TEX2: variants seen among roughly 807,000 people sequenced by gnomAD.
TEX2 encodes the protein testis-expressed protein 2.
Under a neutral mutation model 106.9 loss-of-function variants are expected in TEX2, and 53 were observed. The observed-to-expected ratio is 0.50, with a 90% CI of 0.40 to 0.62. The LOEUF (loss-of-function observed/expected upper bound fraction) is 0.62. Among genes scored for constraint, TEX2 ranks in the 20% least tolerant of loss-of-function variants. The pLI is 0.00. For missense variants in TEX2, 1,207 were observed against 1,379.0 expected, an observed-to-expected ratio of 0.88 and a Z score of 1.98; for synonymous variants, 523 against 534.8, an observed-to-expected ratio of 0.98 and a Z score of 0.30.
intron 1 of TEX2, among the ~76,000 whole-genome samples, chr17:64,238,031 G>A (rs1413724813): frequency 6.6e-6 from 1 of 152,224 alleles, no homozygotes; most frequent in Non-Finnish European, 1.5e-5. Flanking sequence ...GCCAGGCGCG[G>A]TGGTTCATGC....
At position 64,166,839 on chromosome 17, in the gene TEX2, G is replaced by T. The variant is rs186121583; in HGVS notation, c.2671+4261C>A. On this transcript the variant is annotated intron_variant, in intron 7 of 11. Transcript: ENST00000584379. ...TGGAAAGAGTTTGGCTGAGTGGCAGGCCCTGGAGGTGGCAGCCCAGGGTAG... is the reference window on the plus strand; with the variant it reads ...TGGAAAGAGTTTGGCTGAGTGGCAGTCCCTGGAGGTGGCAGCCCAGGGTAG... Among the ~76,000 whole-genome samples the T allele has an allele frequency of 3.2e-4, 49 of 152,334 alleles. 1 individual carries two copies. The highest frequency in any genetic ancestry group is 2.9e-5 in the Non-Finnish European group (2 of 68,026).
At chr17:64,190,592 C>T (rs2032260648) in intron 4 of TEX2, among the ~76,000 whole-genome samples, 1 of 152,180 alleles carries the variant, frequency 6.6e-6, no homozygotes, top group Non-Finnish European at 1.5e-5. Flanking sequence ...GGAGTCGTCA[C>T]TGCACTGTGG....
chr17:64,198,939 G>GA (rs1356308488), intron 2 of TEX2, among the ~76,000 whole-genome samples: 1 of 151,520 alleles, frequency 6.6e-6, no homozygotes, highest in Admixed American at 6.6e-5. Flanking sequence ...GGCTAAAGGA[G>GA]AAAAAAAAGA....
At chr17:64,200,178 C>T (rs1329193555) in intron 2 of TEX2, among the ~76,000 whole-genome samples, 2 of 151,888 alleles carry the variant, frequency 1.3e-5, no homozygotes, top group African/African-American at 4.9e-5. Flanking sequence ...AATAGACAAA[C>T]ATATCATTTT....
At chr17:64,212,527 G>A (rs368409049) in intron 2 of TEX2, 47 bp downstream of exon 2, 1 of 1,486,354 alleles carries the variant, frequency 6.7e-7, no homozygotes, top group Non-Finnish European at 9.2e-7. Flanking sequence ...AAATACGGCT[G>A]TATGTGAGAA....
intron 1 of TEX2, among the ~76,000 whole-genome samples, chr17:64,219,510 A>T (rs1401177633): frequency 1.2e-4 from 12 of 99,268 alleles, no homozygotes; most frequent in African/African-American, 3.7e-4. Flanking sequence ...CATCTCATCA[A>T]ATAAAATAAA....
chr17:64,254,130 G>A (rs2034142065), intron 1 of TEX2, among the ~76,000 whole-genome samples: 2 of 152,170 alleles, frequency 1.3e-5, no homozygotes, highest in South Asian at 4.1e-4. Flanking sequence ...GCAACAAGCA[G>A]CTTGAGTTCT....
At position 64,171,192 on chromosome 17, in the gene TEX2, T is replaced by C. The variant is rs1383437841; in HGVS notation, c.2579A>G (p.Tyr860Cys). ...CGTCAGAGTGAGCTCATTCATAAAG[T>C]AGGGGAGCTAGAGGAAACAAGCAAA... ...QMKLSKIKLP[Y>C]FMNELTLTEL... Residue 860 changes from tyrosine (Y) to cysteine (C), a missense_variant, in exon 7 of 12, where the codon TAC becomes TGC. Tyr to Cys is a radical substitution (Grantham distance 194). This residue lies in a region of TEX2 where 1,067 missense variants were observed against 1,193.6 expected (regional missense o/e 0.89). Transcript: ENST00000584379. 6.2e-7 allele frequency: 1 copy of C among 1,613,734 alleles called. No homozygotes were observed. The highest frequency in any genetic ancestry group is 1.7e-5 in the Admixed American group (1 of 60,012).
At chr17:64,262,651 G>A (rs2034312640) in intron 1 of TEX2, among the ~76,000 whole-genome samples, 2 of 152,196 alleles carry the variant, frequency 1.3e-5, no homozygotes. Flanking sequence ...CCGCCTCCCT[G>A]CTAAAGCACA....
In TEX2 at chr17:64,198,584, C is replaced by T. The variant is rs191324483; in HGVS notation, c.1645-3489G>A. ...TTCTTGAATCATTTCACTCTGAGCA[C>T]ACATCTGCTGGCTAGAGTAGAGGCT... On this transcript the variant is annotated intron_variant, in intron 2 of 11. Transcript: ENST00000584379. 9.1e-5 allele frequency among the ~76,000 whole-genome samples: 12 copies of T among 131,544 alleles called. No homozygotes were observed. In the East Asian group the frequency reaches 2.3e-3, roughly 25 times the overall value. 86.3% of individuals were successfully genotyped at this position (131,544 alleles called of 152,430 possible). A position where few individuals can be genotyped will look rare whatever the true frequency, so the allele number is the denominator to read the frequency against.
intron 1 of TEX2, among the ~76,000 whole-genome samples, chr17:64,214,916 C>A (rs1555632439): frequency 6.6e-6 from 1 of 152,194 alleles, no homozygotes; most frequent in Admixed American, 6.5e-5. Context: ...GACATGGCCA[C>A]GTTCTGAGGC....
intron 1 of TEX2, among the ~76,000 whole-genome samples, chr17:64,253,058 A>T (rs1555637224): frequency 6.6e-6 from 1 of 152,172 alleles, no homozygotes; most frequent in Non-Finnish European, 1.5e-5. Flanking sequence ...CAGCACCTAA[A>T]CATGTTCGGA....
rs2033210373 is a variant in TEX2 at position 64,217,162 on chromosome 17, T to C, written c.-25-2920A>G. Among the ~76,000 whole-genome samples the C allele has an allele frequency of 6.6e-6, 1 of 152,216 alleles. No individual in the cohort carries two copies. The highest frequency in any genetic ancestry group is 6.5e-5 in the Admixed American group (1 of 15,276). On this transcript the variant is annotated intron_variant, in intron 1 of 11. Transcript: ENST00000584379. This position sits in a 1 kb window ranked among gnomAD's most constrained non-coding sequence, Gnocchi z 4.3. ...TTCCAGGCCCCAAACTGCTGGGTAA[T>C]TGAGTGTGCTAGAACCAGAGACCAT... is the stretch of plus-strand genomic sequence containing the variant.
intron 7 of TEX2, among the ~76,000 whole-genome samples, chr17:64,164,759 C>A (rs1814225513): frequency 6.6e-6 from 1 of 152,194 alleles, no homozygotes; most frequent in Non-Finnish European, 1.5e-5. Context: ...GACCATGATG[C>A]CAGTTGGTAT....
At chr17:64,251,174 A>T (rs1205543664) in intron 1 of TEX2, among the ~76,000 whole-genome samples, 2 of 152,196 alleles carry the variant, frequency 1.3e-5, no homozygotes. Context: ...TTTCCAGCAC[A>T]TGGGGAATGA....
At chr17:64,204,234 T>C (rs958722144) in intron 2 of TEX2, among the ~76,000 whole-genome samples, 1 of 152,258 alleles carries the variant, frequency 6.6e-6, no homozygotes, top group African/African-American at 2.4e-5. Context: ...CATGTCCCAA[T>C]ATATACAGCT....
rs2030085566 is a variant in TEX2 at position 64,147,340 on chromosome 17, G to A, written c.*1629C>T. The A allele has an allele frequency of 6.6e-6, 1 of 152,154 alleles. No homozygotes were observed. Among genetic ancestry groups the A allele is most frequent in the Non-Finnish European group, 1.5e-5 (1 of 68,032 alleles). 9.4% of individuals were successfully genotyped at this position (152,154 alleles called of 1,614,324 possible). ...GCAGTGATCAACGCAGTAAATGAAA[G>A]CTGCGATTGCCAGGTGAGGGCCCCG... On this transcript the variant is annotated 3_prime_UTR_variant, in exon 12 of 12. Transcript: ENST00000584379.
chr17:64,194,898 G>A lies in TEX2; in HGVS notation c.1842C>T (p.Ser614=). The change falls in exon 3 of 12, where the codon AGC becomes AGT. Residue 614 remains serine, a synonymous_variant. Transcript: ENST00000584379. ...TTCCAAAATTGCTCAGGCTCACCTTGCTGTCTGAGAGGTCATAGATTTTCT... is the reference window on the plus strand; with the variant it reads ...TTCCAAAATTGCTCAGGCTCACCTTACTGTCTGAGAGGTCATAGATTTTCT... The part of the protein sequence containing the change: ...ISQKIYDLSD[S]KIYLVPKTLA... 1 of 1,614,066 alleles carries A rather than the reference G, an allele frequency of 6.2e-7. No individual in the cohort carries two copies. The highest frequency in any genetic ancestry group is 8.5e-7 in the Non-Finnish European group (1 of 1,179,940).
intron 1 of TEX2, among the ~76,000 whole-genome samples, chr17:64,214,816 T>G (rs1271861229): frequency 6.6e-6 from 1 of 152,266 alleles, no homozygotes; most frequent in African/African-American, 2.4e-5. Context: ...ATCTGTAAAC[T>G]AATTGCCATG....
Sources: allele counts gnomAD v4.1 joint callset (sites outside exome capture counted in the v4.1 genomes callset), GRCh38; gene constraint gnomAD v4.1.1; regional missense constraint gnomAD v4.1.1; non-coding constraint Gnocchi (gnomAD v3.1); transcripts MANE v1.5; gene names NCBI Gene and HGNC (gene_info 2026-07-23, HGNC 2026-07-21).